The following NRG1 variants were observed in gnomAD, a reference collection of about 807,000 sequenced individuals.
NRG1 encodes the protein pro-neuregulin-1, membrane-bound isoform.
Under a neutral mutation model 63.8 loss-of-function variants are expected in NRG1, and 18 were observed. The ratio of observed to expected loss-of-function variants is 0.28; its 90% CI spans 0.19 to 0.42. The LOEUF is 0.42. NRG1 is among the 10% of genes least tolerant of loss of function. The pLI is 1.00. For synonymous variants in NRG1, 302 were observed against 301.3 expected, an observed-to-expected ratio of 1.00 and a Z score of -0.02; for missense variants, 762 against 814.7, an observed-to-expected ratio of 0.94 and a Z score of 0.79.
At chr8:32,764,238 C>A (rs759931573) in exon 12 of NRG1, 3 of 1,614,114 alleles carry the variant, frequency 1.9e-6, no homozygotes, top group South Asian at 1.1e-5. Flanking sequence ...TGAAGATACG[C>A]CTTTCCTGGG....
intron 1 of NRG1, among the ~76,000 whole-genome samples, chr8:32,471,838 A>G (rs1823891663): frequency 6.6e-6 from 1 of 152,242 alleles, no homozygotes; most frequent in Middle Eastern, 3.2e-3. Context: ...TTATACATCT[A>G]ACTCTTTTGT....
chr8:32,504,187 T>G (rs571140510), intron 1 of NRG1, among the ~76,000 whole-genome samples: 1 of 152,158 alleles, frequency 6.6e-6, no homozygotes, highest in East Asian at 1.9e-4. Context: ...GTTGGGAGCC[T>G]GCCTTTCCCT....
At chr8:32,564,015 G>A (rs1836960299) in intron 1 of NRG1, among the ~76,000 whole-genome samples, 1 of 152,092 alleles carries the variant, frequency 6.6e-6, no homozygotes, top group Non-Finnish European at 1.5e-5. Flanking sequence ...GCAGCAGACT[G>A]CTTTTTAAGT....
At chr8:32,413,931 T>G (rs982860138) in intron 1 of NRG1, among the ~76,000 whole-genome samples, 1 of 151,904 alleles carries the variant, frequency 6.6e-6, no homozygotes, top group Admixed American at 6.6e-5. Context: ...TCTAGGTTTT[T>G]TTTTTTTTTC....
At chr8:32,750,710 C>A (rs1200735803) in intron 7 of NRG1, among the ~76,000 whole-genome samples, 105 of 124,264 alleles carry the variant, frequency 8.4e-4, no homozygotes, top group Non-Finnish European at 8.8e-4. Context: ...ATTTCTTCCT[C>A]AAAAAAAAAA....
intron 1 of NRG1, among the ~76,000 whole-genome samples, chr8:32,245,885 C>T (rs1053875497): frequency 2.6e-5 from 4 of 152,202 alleles, no homozygotes; most frequent in Non-Finnish European, 2.9e-5. Context: ...CTATAAATTT[C>T]AGTAAATGCC....
chr8:32,261,612 C>T (rs990217837), intron 1 of NRG1, among the ~76,000 whole-genome samples: 2 of 152,086 alleles, frequency 1.3e-5, no homozygotes, highest in Admixed American at 6.6e-5. Context: ...GTTCCCCACC[C>T]AAAATCTATT....
chr8:32,606,129 G>A (rs956391579), intron 3 of NRG1, among the ~76,000 whole-genome samples: 27 of 147,952 alleles, frequency 1.8e-4, no homozygotes, highest in Non-Finnish European at 3.3e-4. Flanking sequence ...ATATGTTTAC[G>A]TATATATAAC....
intron 5 of NRG1, among the ~76,000 whole-genome samples, chr8:32,678,979 A>G (rs973763507): frequency 2.0e-5 from 3 of 152,082 alleles, no homozygotes; most frequent in Non-Finnish European, 4.4e-5. Flanking sequence ...GAAAAATATA[A>G]GAAAAAGAAT....
intron 1 of NRG1, among the ~76,000 whole-genome samples, chr8:32,336,477 G>A (rs1284614548): frequency 6.6e-6 from 1 of 152,004 alleles, no homozygotes; most frequent in Non-Finnish European, 1.5e-5. Context: ...AAGTCCTCAT[G>A]GCAGGAATGA....
intron 5 of NRG1, among the ~76,000 whole-genome samples, chr8:32,679,094 C>T (rs1333095136): frequency 1.3e-5 from 2 of 151,664 alleles, no homozygotes; most frequent in Non-Finnish European, 2.9e-5. Context: ...GAGTTCGAGT[C>T]CAGCCTGGAA....
At chr8:32,424,320 C>T (rs1474825567) in intron 1 of NRG1, among the ~76,000 whole-genome samples, 1 of 152,076 alleles carries the variant, frequency 6.6e-6, no homozygotes, top group African/African-American at 2.4e-5. Flanking sequence ...CACCCTGGGC[C>T]TCTAGAGCTA....
chr8:31,702,835 A>T (rs1254165887), intron 1 of NRG1, among the ~76,000 whole-genome samples: 1 of 152,018 alleles, frequency 6.6e-6, no homozygotes, highest in Admixed American at 6.6e-5. Flanking sequence ...GAAAGTTTTG[A>T]TGATTTCCTC....
chr8:32,043,087 A>G (rs926140235), intron 1 of NRG1, among the ~76,000 whole-genome samples: 1 of 151,976 alleles, frequency 6.6e-6, no homozygotes, highest in African/African-American at 2.4e-5. Context: ...CTACAGATTC[A>G]AGGACCTCAG....
rs144790237 is a variant in NRG1 at position 31,827,116 on chromosome 8, C to T, written c.37+187685C>T. ...TTTGTTTTTTTCTGGTTCAGGGTAC[C>T]GTAACAGAAGGTGGGAAGCTATATT... On this transcript the variant is annotated intron_variant, in intron 1 of 10. Transcript: ENST00000519301. Among the ~76,000 whole-genome samples the T allele has an allele frequency of 9.1e-3, 1,380 of 152,132 alleles. 21 individuals are homozygous for T. Among genetic ancestry groups the T allele is most frequent in the African/African-American group, 0.031 (1,305 of 41,470 alleles).
intron 1 of NRG1, among the ~76,000 whole-genome samples, chr8:32,272,240 G>A (rs949497648): frequency 6.6e-5 from 10 of 152,268 alleles, no homozygotes; most frequent in Admixed American, 1.3e-4. Flanking sequence ...TTCTTGGCTT[G>A]CAGATGGCAG....
chr8:32,135,679 C>A (rs1835415207), intron 1 of NRG1, among the ~76,000 whole-genome samples: 1 of 151,880 alleles, frequency 6.6e-6, no homozygotes, highest in Non-Finnish European at 1.5e-5. Context: ...TTCTGAGTAT[C>A]TGAGAAGAAA....
At chr8:32,103,089 T>G (rs1393455932) in intron 1 of NRG1, among the ~76,000 whole-genome samples, 1 of 152,182 alleles carries the variant, frequency 6.6e-6, no homozygotes, top group Non-Finnish European at 1.5e-5. Context: ...ACAAATACAT[T>G]ATTTTGGCTA....
chr8:32,317,252 T>C (rs763027053), intron 1 of NRG1, among the ~76,000 whole-genome samples: 3 of 152,236 alleles, frequency 2.0e-5, no homozygotes, highest in Non-Finnish European at 4.4e-5. Flanking sequence ...GCATCTCTGC[T>C]TACGAGTCCA....
Sources: allele counts gnomAD v4.1 joint callset (sites outside exome capture counted in the v4.1 genomes callset), GRCh38; gene constraint gnomAD v4.1.1; transcripts MANE v1.5; gene names NCBI Gene and HGNC (gene_info 2026-07-23, HGNC 2026-07-21).